Variants in HPSE2 observed in about 807,000 individuals in gnomAD.
HPSE2 encodes heparanase 2 (inactive), also known as inactive heparanase-2.
HPSE2 carries 38 observed loss-of-function variants against 60.5 expected under a neutral mutation model. The ratio of observed to expected loss-of-function variants is 0.63; its 90% CI spans 0.48 to 0.82. The LOEUF (loss-of-function observed/expected upper bound fraction) is 0.82, where lower values mean the gene tolerates loss of function less well. Ranked by LOEUF, HPSE2 falls within the 40% of genes least tolerant of loss-of-function variation. The pLI is 0.00. For synonymous variants in HPSE2, 295 were observed against 293.2 expected, an observed-to-expected ratio of 1.01 and a Z score of -0.06; for missense variants, 713 against 740.4, an observed-to-expected ratio of 0.96 and a Z score of 0.43.
At chr10:99,160,640 C>T (rs1846791406) in intron 2 of HPSE2, among the ~76,000 whole-genome samples, 2 of 152,112 alleles carry the variant, frequency 1.3e-5, no homozygotes, top group African/African-American at 4.8e-5. Flanking sequence ...TGGCTCACGC[C>T]TGTAATCCCA....
chr10:98,931,881 G>GT (rs1954650136), intron 3 of HPSE2, among the ~76,000 whole-genome samples: 1 of 143,760 alleles, frequency 7.0e-6, no homozygotes, highest in African/African-American at 2.8e-5. Flanking sequence ...AGATGATGGG[G>GT]TTTTCTAGAT....
chr10:99,164,719 T>A (rs1458441455), intron 2 of HPSE2, among the ~76,000 whole-genome samples: 1 of 152,192 alleles, frequency 6.6e-6, no homozygotes, highest in East Asian at 1.9e-4. Flanking sequence ...CCAACTCCAA[T>A]CCAACACTAA....
At chr10:99,043,384 T>C (rs1957786356) in intron 3 of HPSE2, among the ~76,000 whole-genome samples, 1 of 152,078 alleles carries the variant, frequency 6.6e-6, no homozygotes, top group African/African-American at 2.4e-5. Flanking sequence ...CTAGGGAGGC[T>C]GAGGCAGGAG....
At chr10:99,270,838 AG>A in the HPSE2 span, among the ~76,000 whole-genome samples, 1 of 152,214 alleles carries the variant, frequency 6.6e-6, no homozygotes, top group Non-Finnish European at 1.5e-5. Context: ...AATACATGCA[AG>A]ACAATAAATG....
At chr10:98,760,040 G>A (rs1035319642) in intron 3 of HPSE2, among the ~76,000 whole-genome samples, 12 of 151,732 alleles carry the variant, frequency 7.9e-5, no homozygotes, top group Non-Finnish European at 1.3e-4. Flanking sequence ...TTGTTCTGAT[G>A]CTATTGTAAT....
rs375984975 is a variant in HPSE2, at chr10:98,553,006, G to A, written c.1320+61898C>T. Reference sequence around the variant, plus strand: ...CTGCAAAAGACCCTTAATAAAAATTGCTTGGATTAAATTGAATTCTAAAGC... The same window carrying A: ...CTGCAAAAGACCCTTAATAAAAATTACTTGGATTAAATTGAATTCTAAAGC... On this transcript the variant is annotated intron_variant, in intron 9 of 11. Transcript: ENST00000370552. Among the ~76,000 whole-genome samples, 69 of 152,246 alleles carry A rather than the reference G, an allele frequency of 4.5e-4. No homozygotes were observed. The South Asian group carries it at 0.014, about 31-fold the overall frequency.
intron 3 of HPSE2, among the ~76,000 whole-genome samples, chr10:98,753,605 CAG>C (rs745806961): frequency 5.9e-5 from 9 of 152,216 alleles, no homozygotes; most frequent in Non-Finnish European, 1.3e-4. Context: ...CACCTTCCAT[CAG>C]AGTGTTGTGG....
intron 3 of HPSE2, among the ~76,000 whole-genome samples, chr10:98,765,053 A>G (rs1342071067): frequency 6.6e-6 from 1 of 152,224 alleles, no homozygotes; most frequent in Non-Finnish European, 1.5e-5. Context: ...GACATAACTC[A>G]AAGAAGAAAC....
intron 9 of HPSE2, among the ~76,000 whole-genome samples, chr10:98,490,559 T>C (rs529147118): frequency 4.9e-4 from 74 of 152,242 alleles, no homozygotes; most frequent in South Asian, 2.1e-3. Flanking sequence ...TTTACTTTTA[T>C]AGCGGCTTAT....
intron 9 of HPSE2, among the ~76,000 whole-genome samples, chr10:98,517,809 A>C (rs1942650977): frequency 6.6e-6 from 1 of 152,208 alleles, no homozygotes; most frequent in Admixed American, 6.5e-5. Context: ...GCAAGTCACT[A>C]AACTGCTCTG....
intron 2 of HPSE2, among the ~76,000 whole-genome samples, chr10:99,220,570 C>T (rs1012526758): frequency 3.3e-5 from 5 of 151,990 alleles, no homozygotes; most frequent in Admixed American, 1.3e-4. Flanking sequence ...TTTGGGAAGC[C>T]GAGGTGGGCG....
chr10:98,688,465 C>CTTTTTTTTTTTTTTT lies in HPSE2; in HGVS notation c.1004+5434_1004+5435insAAAAAAAAAAAAAAA, dbSNP rs562095149. ...GTCTGAAGAATTTCCTTTAGCATTT[C>CTTTTTTTTTTTTTTT]TTTTTTTTTTTCTTTTTTTTTTTTT... On this transcript the variant is annotated intron_variant, in intron 6 of 11. Transcript: ENST00000370552. Among the ~76,000 whole-genome samples, 954 of 103,598 alleles carry CTTTTTTTTTTTTTTT rather than the reference C, an allele frequency of 9.2e-3. 67 individuals carry two copies. The highest frequency in any genetic ancestry group is 0.012 in the Non-Finnish European group (667 of 53,914). 68.0% of individuals were successfully genotyped at this position (103,598 alleles called of 152,430 possible).
At chr10:98,831,487 T>C (rs1589905124) in intron 3 of HPSE2, among the ~76,000 whole-genome samples, 2 of 152,330 alleles carry the variant, frequency 1.3e-5, no homozygotes, top group African/African-American at 2.4e-5. Flanking sequence ...CAGGAAAAAC[T>C]TGGCTTATAC....
chr10:99,085,191 T>C (rs914616325), intron 3 of HPSE2, among the ~76,000 whole-genome samples: 2 of 152,190 alleles, frequency 1.3e-5, no homozygotes, highest in Admixed American at 1.3e-4. Flanking sequence ...TCTCTCTTAC[T>C]AGATGCAGCC....
At chr10:99,299,112 AG>A in the HPSE2 span, among the ~76,000 whole-genome samples, 1 of 151,848 alleles carries the variant, frequency 6.6e-6, no homozygotes, top group African/African-American at 2.4e-5. Flanking sequence ...TCCCCATAGG[AG>A]GTCTGTGCTC....
chr10:99,023,429 C>T (rs1181836884), intron 3 of HPSE2, among the ~76,000 whole-genome samples: 3 of 152,126 alleles, frequency 2.0e-5, no homozygotes, highest in Non-Finnish European at 2.9e-5. Context: ...CATCACCGAC[C>T]TGAAAAGAAG....
At chr10:98,955,632 T>C (rs1463379269) in intron 3 of HPSE2, among the ~76,000 whole-genome samples, 1 of 152,182 alleles carries the variant, frequency 6.6e-6, no homozygotes, top group African/African-American at 2.4e-5. Flanking sequence ...ATATAAATCA[T>C]TCTATTATAA....
At chr10:98,729,639 A>G (rs1459916315) in intron 4 of HPSE2, among the ~76,000 whole-genome samples, 1 of 152,058 alleles carries the variant, frequency 6.6e-6, no homozygotes, top group Non-Finnish European at 1.5e-5. Flanking sequence ...AATTAATTTA[A>G]AAAGGTAGAC....
intron 3 of HPSE2, among the ~76,000 whole-genome samples, chr10:98,808,849 C>T (rs1302341823): frequency 6.6e-6 from 1 of 152,130 alleles, no homozygotes; most frequent in East Asian, 1.9e-4. Context: ...AATTAGTGTC[C>T]TAGCTACATA....
Sources: gnomAD v4.1 joint callset for allele counts (sites outside exome capture counted in the v4.1 genomes callset) on GRCh38, gnomAD v4.1.1 for gene constraint, MANE v1.5 for transcripts, NCBI Gene and HGNC (gene_info 2026-07-23, HGNC 2026-07-21) for gene names.